PPARGC1A: variants seen among roughly 807,000 people sequenced by gnomAD.
The protein encoded by PPARGC1A is PPARG coactivator 1 alpha.
PPARGC1A carries 25 observed loss-of-function variants against 88.7 expected under a neutral mutation model. The ratio of observed to expected loss-of-function variants is 0.28; its 90% CI spans 0.21 to 0.39. The LOEUF is 0.39. PPARGC1A is among the 10% of genes least tolerant of loss of function. PPARGC1A has a pLI of 1.00. For synonymous variants in PPARGC1A, 363 were observed against 355.6 expected, an observed-to-expected ratio of 1.02 and a Z score of -0.24; for missense variants, 880 against 968.7, an observed-to-expected ratio of 0.91 and a Z score of 1.22.
At chr4:24,456,081 G>T in the PPARGC1A span, among the ~76,000 whole-genome samples, 2 of 152,136 alleles carry the variant, frequency 1.3e-5, no homozygotes, top group Non-Finnish European at 2.9e-5. Flanking sequence ...GCATTAGCTG[G>T]GCCTTTCATG....
chr4:24,184,303 TTC>T, the PPARGC1A span, among the ~76,000 whole-genome samples: 6 of 152,232 alleles, frequency 3.9e-5, no homozygotes, highest in African/African-American at 1.2e-4. Flanking sequence ...GGAAAAAATA[TTC>T]TGTTTTCCAG....
At chr4:24,421,350 G>A in the PPARGC1A span, among the ~76,000 whole-genome samples, 8 of 142,720 alleles carry the variant, frequency 5.6e-5, no homozygotes, top group East Asian at 1.2e-3. Context: ...TCGCTCTGTC[G>A]CCCAGGCTGG....
At chr4:23,928,086 C>T in the PPARGC1A span, among the ~76,000 whole-genome samples, 1 of 152,092 alleles carries the variant, frequency 6.6e-6, no homozygotes, top group Admixed American at 6.6e-5. Flanking sequence ...GATGGTGCAT[C>T]CCAGCCGAAT....
Position 23,812,854 on chromosome 4 carries a change from C to T in PPARGC1A, c.1912G>A (p.Glu638Lys), listed in dbSNP as rs772726563. 6.8e-6 allele frequency: 11 copies of T among 1,613,890 alleles called. No individual in the cohort carries two copies. Among genetic ancestry groups the T allele is most frequent in the Middle Eastern group, 1.6e-4 (1 of 6,084 alleles). ...YSRRPRYDSY[E>K]EYQHERLKRE... ...TTCAGCCTCTCGTGCTGATATTCCT[C>T]GTAGCTGTCATACCTGGGAAACATA... The change falls in exon 10 of 13, where the codon GAG (glutamate) becomes AAG (lysine). Residue 638 changes from glutamate (E) to lysine (K), a missense_variant. Physicochemically the swap from Glu to Lys is moderately conservative, Grantham distance 56. Coordinates refer to ENST00000264867, the MANE Select transcript of PPARGC1A (RefSeq NM_013261.5).
At chr4:23,997,340 T>TA in the PPARGC1A span, among the ~76,000 whole-genome samples, 4 of 151,818 alleles carry the variant, frequency 2.6e-5, no homozygotes, top group African/African-American at 9.7e-5. Context: ...TTGGATTAGG[T>TA]AAAAATCCTT....
At chr4:24,252,603 A>T in the PPARGC1A span, among the ~76,000 whole-genome samples, 2 of 152,258 alleles carry the variant, frequency 1.3e-5, no homozygotes, top group Admixed American at 1.3e-4. Flanking sequence ...AATATAAAGC[A>T]CATCATTTCA....
chr4:24,281,057 T>C, the PPARGC1A span, among the ~76,000 whole-genome samples: 1 of 152,200 alleles, frequency 6.6e-6, no homozygotes, highest in South Asian at 2.1e-4. Context: ...TCTCAAAGGA[T>C]ACATCTATCC....
At chr4:24,373,937 C>T in the PPARGC1A span, among the ~76,000 whole-genome samples, 3 of 152,196 alleles carry the variant, frequency 2.0e-5, no homozygotes, top group African/African-American at 4.8e-5. Context: ...AATTCTCTAG[C>T]AAAAGGACCT....
At chr4:24,101,914 C>CT in the PPARGC1A span, among the ~76,000 whole-genome samples, 2 of 149,566 alleles carry the variant, frequency 1.3e-5, no homozygotes, top group South Asian at 2.1e-4. Flanking sequence ...CCCTCATGGT[C>CT]TTGTGAGAAC....
the PPARGC1A span, among the ~76,000 whole-genome samples, chr4:24,149,612 T>C: frequency 1.3e-5 from 2 of 152,142 alleles, no homozygotes; most frequent in African/African-American, 4.8e-5. Context: ...GAATGAGCTG[T>C]GCAGTTTGTA....
At chr4:24,452,906 T>TGAAC in the PPARGC1A span, among the ~76,000 whole-genome samples, 1 of 152,234 alleles carries the variant, frequency 6.6e-6, no homozygotes, top group South Asian at 2.1e-4. Flanking sequence ...TGTTACTGGC[T>TGAAC]GAACTGTGTT....
chr4:23,954,508 T>C, the PPARGC1A span, among the ~76,000 whole-genome samples: 1 of 152,010 alleles, frequency 6.6e-6, no homozygotes, highest in African/African-American at 2.4e-5. Context: ...TTTAAAAGTT[T>C]AATGTGAAGA....
At chr4:23,855,944 A>G (rs1052195912) in intron 2 of PPARGC1A, among the ~76,000 whole-genome samples, 4 of 152,212 alleles carry the variant, frequency 2.6e-5, no homozygotes, top group African/African-American at 9.6e-5. Context: ...CCAAAGTGTC[A>G]CCAGACTCAA....
the PPARGC1A span, among the ~76,000 whole-genome samples, chr4:24,384,760 A>G: frequency 6.6e-6 from 1 of 152,190 alleles, no homozygotes; most frequent in African/African-American, 2.4e-5. Flanking sequence ...TTAGAGAGCT[A>G]TAAAGAGACT....
the PPARGC1A span, among the ~76,000 whole-genome samples, chr4:24,354,687 C>A: frequency 6.6e-6 from 1 of 152,010 alleles, no homozygotes. Context: ...GAGATCAAGA[C>A]CATACTGGCT....
At chr4:24,024,148 T>G in the PPARGC1A span, among the ~76,000 whole-genome samples, 1 of 152,200 alleles carries the variant, frequency 6.6e-6, no homozygotes, top group South Asian at 2.1e-4. Flanking sequence ...GATGGACACC[T>G]TACTAAGTTC....
chr4:24,107,886 T>C, the PPARGC1A span, among the ~76,000 whole-genome samples: 1 of 152,298 alleles, frequency 6.6e-6, no homozygotes, highest in African/African-American at 2.4e-5. Flanking sequence ...TTGTAGATGC[T>C]GCATAGAGAT....
chr4:24,431,614 A>G, the PPARGC1A span, among the ~76,000 whole-genome samples: 1 of 152,222 alleles, frequency 6.6e-6, no homozygotes, highest in Admixed American at 6.5e-5. Flanking sequence ...AAGACCGTCG[A>G]ATGTGCTGGA....
At chr4:24,082,442 T>C in the PPARGC1A span, among the ~76,000 whole-genome samples, 1 of 152,122 alleles carries the variant, frequency 6.6e-6, no homozygotes, top group African/African-American at 2.4e-5. Flanking sequence ...GTCATTTCTT[T>C]TATACACTGT....
Sources: gnomAD v4.1 joint callset for allele counts (sites outside exome capture counted in the v4.1 genomes callset) on GRCh38, gnomAD v4.1.1 for gene constraint, MANE v1.5 for transcripts, NCBI Gene and HGNC (gene_info 2026-07-23, HGNC 2026-07-21) for gene names.